Variants in ITGA6 observed in about 807,000 individuals in gnomAD.
ITGA6 encodes integrin subunit alpha 6.
In ITGA6, 63 loss-of-function variants were observed where a neutral mutation model predicts 133.6. That is an observed-to-expected ratio of 0.47 (90% CI 0.38 to 0.58). The LOEUF is 0.58. ITGA6 is among the 20% of genes least tolerant of loss of function. ITGA6 has a pLI of 0.00. For missense variants in ITGA6, 1,068 were observed against 1,309.4 expected, an observed-to-expected ratio of 0.82 and a Z score of 2.85; for synonymous variants, 434 against 482.0, an observed-to-expected ratio of 0.90 and a Z score of 1.30.
At chr2:172,450,161 T>C (rs374728178) in intron 1 of ITGA6, among the ~76,000 whole-genome samples, 5 of 152,294 alleles carry the variant, frequency 3.3e-5, no homozygotes, top group Admixed American at 2.0e-4. Flanking sequence ...CCACTCACCA[T>C]GGGCCTTGTA....
chr2:172,474,938 T>C lies in ITGA6; in HGVS notation c.996T>C (p.Asp332=). 1.3e-6 allele frequency: 2 copies of C among 1,547,228 alleles called. No individual in the cohort carries two copies. The highest frequency in any genetic ancestry group is 1.8e-6 in the Non-Finnish European group (2 of 1,119,062). ...CTCATTATGTTTTTAGGTGGCAAGA[T>C]ATAGTTATTGGAGCCCCACAGTATT... ...VVDLNKDGWQ[D]IVIGAPQYFD... Residue 332 remains aspartate, a synonymous_variant, in exon 7 of 26, where the codon GAT becomes GAC. Transcript: ENST00000684293.
In ITGA6 at chr2:172,440,681, G is replaced by A. The variant is rs970343618; in HGVS notation, c.182+12711G>A. On this transcript the variant is annotated intron_variant, in intron 1 of 25. Transcript: ENST00000684293. ...AGCTTATTATGTGTTTTTCCAATCCGGTTAAGGACTGCTATGAGTTGAATT... is the reference window on the plus strand; with the variant it reads ...AGCTTATTATGTGTTTTTCCAATCCAGTTAAGGACTGCTATGAGTTGAATT... Among the ~76,000 whole-genome samples the A allele has an allele frequency of 3.3e-5, 5 of 152,158 alleles. No individual in the cohort carries two copies. In the East Asian group the frequency reaches 5.8e-4, roughly 18 times the overall value.
chr2:172,486,504 C>T (rs1686684556), intron 13 of ITGA6, among the ~76,000 whole-genome samples: 1 of 152,148 alleles, frequency 6.6e-6, no homozygotes, highest in African/African-American at 2.4e-5. Flanking sequence ...GCTTACCTGA[C>T]CTTAAGCTCT....
At chr2:172,466,467 A>G (rs573431373) in intron 2 of ITGA6, among the ~76,000 whole-genome samples, 2 of 152,220 alleles carry the variant, frequency 1.3e-5, no homozygotes, top group East Asian at 3.9e-4. Flanking sequence ...TAAAAATACA[A>G]AAATTAGCCA....
At chr2:172,470,812 A>G (rs1005378441) in intron 4 of ITGA6, among the ~76,000 whole-genome samples, 162 bp from the exon 5 acceptor site, 1 of 152,200 alleles carries the variant, frequency 6.6e-6, no homozygotes, top group African/African-American at 2.4e-5. Context: ...ATTTACACAA[A>G]TGTATTTTAC....
At position 172,469,301 on chromosome 2, in the gene ITGA6, C is replaced by T. The variant is rs1194447361; in HGVS notation, c.564C>T (p.Cys188=). The change falls in exon 4 of 26, where the codon TGC becomes TGT. Residue 188 remains cysteine, a synonymous_variant. Transcript: ENST00000684293. ...RLRGHEKFGS[C]QQGVAATFTK... is the part of the protein sequence containing the mutation. ...GAGGCCATGAGAAATTTGGCTCTTG[C>T]CAGCAAGGTGTAGCAGCTACTTTTA... 6.2e-7 allele frequency: 1 copy of T among 1,614,000 alleles called. No homozygotes were observed. Among genetic ancestry groups the T allele is most frequent in the South Asian group, 1.1e-5 (1 of 91,058 alleles).
At chr2:172,438,776 G>C (rs1335544747) in intron 1 of ITGA6, among the ~76,000 whole-genome samples, 1 of 151,740 alleles carries the variant, frequency 6.6e-6, no homozygotes. Flanking sequence ...CAGTCTGGTG[G>C]ACAGCAGAGG....
chr2:172,501,715 T>C, intron 24 of ITGA6, 57 bp from the exon 25 acceptor site: 2 of 1,574,530 alleles, frequency 1.3e-6, no homozygotes, highest in Non-Finnish European at 1.7e-6. Context: ...GATGTTCTGT[T>C]GTTTGGCTCT....
At chr2:172,479,591 C>T (rs1460735781) in intron 9 of ITGA6, 50 bp from the exon 10 acceptor site, 13 of 1,447,180 alleles carry the variant, frequency 9.0e-6, no homozygotes, top group Admixed American at 3.3e-5. Context: ...ATTAGACTCA[C>T]ATTCAAGGTA....
chr2:172,467,443 G>T (rs757665794), intron 2 of ITGA6, 38 bp from the exon 3 acceptor site: 3 of 1,495,816 alleles, frequency 2.0e-6, no homozygotes, highest in South Asian at 2.3e-5. Context: ...TCTAGCATGT[G>T]CAGTCACTTG....
chr2:172,473,122 A>G (rs1161666562), intron 5 of ITGA6, among the ~76,000 whole-genome samples: 1 of 152,184 alleles, frequency 6.6e-6, no homozygotes, highest in Non-Finnish European at 1.5e-5. Context: ...CAATTTGAGA[A>G]CTGCAACGGT....
chr2:172,480,230 G>GA (rs1455503682), intron 11 of ITGA6, among the ~76,000 whole-genome samples, 179 bp downstream of exon 11: 4 of 152,266 alleles, frequency 2.6e-5, no homozygotes, highest in East Asian at 1.9e-4. Context: ...CGTGAGGGAG[G>GA]AAAAAAACTC....
At chr2:172,465,991 C>A (rs950310111) in intron 2 of ITGA6, 10 of 404,828 alleles carry the variant, frequency 2.5e-5, no homozygotes, top group Non-Finnish European at 4.2e-5. Flanking sequence ...ATGAGCGTAT[C>A]TTGTATTCAT....
chr2:172,469,002 T>G, intron 3 of ITGA6, 123 bp from the exon 4 acceptor site: 1 of 1,058,300 alleles, frequency 9.4e-7, no homozygotes, highest in African/African-American at 1.6e-5. Context: ...GGTCCCAAGA[T>G]GAGGACATGC....
Position 172,474,015 on chromosome 2 carries a change from T to C in ITGA6, c.776-40T>C, listed in dbSNP as rs758657170. ...ACCAATGTCATAGGCCTAAAATATA[T>C]GGATTGATGTGAGGGGCTCTATATA... is the stretch of plus-strand genomic sequence containing the variant. On this transcript the variant is annotated intron_variant, in intron 5 of 25. Coordinates refer to ENST00000684293, the MANE Select transcript of ITGA6 (RefSeq NM_000210.4). The C allele has an allele frequency of 1.9e-5, 27 of 1,429,504 alleles. 1 individual carries two copies. In the South Asian group the frequency reaches 2.9e-4, roughly 15 times the overall value. The allele number at this position is 1,429,504 out of a possible 1,614,324, so 88.6% of individuals were successfully genotyped here. A position where few individuals can be genotyped will look rare whatever the true frequency, so the allele number is the denominator to read the frequency against.
intron 4 of ITGA6, 53 bp downstream of exon 4, chr2:172,469,433 T>TATGATTTGGTACC (rs1685822488): frequency 6.9e-7 from 1 of 1,440,250 alleles, no homozygotes; most frequent in African/African-American, 1.4e-5. Flanking sequence ...ATTTCTGTAA[T>TATGATTTGGTACC]ATGATTTAGT....
At chr2:172,462,346 G>A (rs1352609692) in intron 1 of ITGA6, among the ~76,000 whole-genome samples, 1 of 152,228 alleles carries the variant, frequency 6.6e-6, no homozygotes, top group African/African-American at 2.4e-5. Context: ...GACAGTGCCA[G>A]GACCATGTGC....
intron 1 of ITGA6, among the ~76,000 whole-genome samples, chr2:172,451,687 T>C (rs1215112088): frequency 6.6e-6 from 1 of 151,958 alleles, no homozygotes; most frequent in Non-Finnish European, 1.5e-5. Context: ...CAGCTAGAGA[T>C]GAGGAAAAGG....
At position 172,487,952 on chromosome 2, in the gene ITGA6, C is replaced by A; in HGVS notation, c.2325-9C>A. 6.2e-7 allele frequency: 1 copy of A among 1,611,734 alleles called. No individual in the cohort carries two copies. The highest frequency in any genetic ancestry group is 8.5e-7 in the Non-Finnish European group (1 of 1,177,972). ...AAATACAACCCTATTGTTTCCTTTT[C>A]ATTTTCAGAACAAGCAATCAAGATA... is the stretch of plus-strand genomic sequence containing the variant. On this transcript the variant is annotated splice_polypyrimidine_tract_variant and intron_variant, in intron 17 of 25. Transcript: ENST00000684293.
Sources: gnomAD v4.1 joint callset for allele counts (sites outside exome capture counted in the v4.1 genomes callset) on GRCh38, gnomAD v4.1.1 for gene constraint, MANE v1.5 for transcripts, NCBI Gene and HGNC (gene_info 2026-07-23, HGNC 2026-07-21) for gene names.